The following IFI16 variants were observed in gnomAD, a reference collection of about 807,000 sequenced individuals.
IFI16 encodes the protein gamma-interferon-inducible protein 16.
Under a neutral mutation model 68.4 loss-of-function variants are expected in IFI16, and 49 were observed. That is an observed-to-expected ratio of 0.72 (90% CI 0.57 to 0.91). The LOEUF (loss-of-function observed/expected upper bound fraction) is 0.91, where lower values mean the gene tolerates loss of function less well. IFI16 is among the 40% of genes least tolerant of loss of function. The pLI is 0.00. For synonymous variants in IFI16, 307 were observed against 315.0 expected (o/e 0.97, Z 0.27); for missense variants, 878 against 942.9 (o/e 0.93, Z 0.90).
chr1:159,003,956 A>T (rs1210770968), upstream of IFI16, among the ~76,000 whole-genome samples: 1 of 151,942 alleles, frequency 6.6e-6, no homozygotes, highest in South Asian at 2.1e-4. Context: ...CACCGCGCCC[A>T]GCCAATTCTG....
At chr1:159,041,284 G>T (rs1654620970) in intron 7 of IFI16, among the ~76,000 whole-genome samples, 1 of 152,198 alleles carries the variant, frequency 6.6e-6, no homozygotes, top group Admixed American at 6.5e-5. Context: ...AGTGTAAGAA[G>T]CCAGCTACTG....
intron 4 of IFI16, among the ~76,000 whole-genome samples, 168 bp downstream of exon 4, chr1:159,016,868 C>T (rs1354296803): frequency 2.0e-5 from 3 of 152,220 alleles, no homozygotes; most frequent in Admixed American, 6.5e-5. Context: ...ACTTGATGAA[C>T]TTGACATTAT....
Position 159,039,207 on chromosome 1 carries a change from A to T in IFI16, c.1330-6090A>T, listed in dbSNP as rs867004924. The stretch of plus-strand genomic sequence containing the variant: ...ATGAAGGCTATAATACTGGTTTGTG[A>T]GTGTACAGTTGAAGGAGTTAGGATA... On this transcript the variant is annotated intron_variant, in intron 7 of 11. Coordinates refer to ENST00000295809, the MANE Select transcript of IFI16 (RefSeq NM_001376587.1). Among the ~76,000 whole-genome samples the T allele has an allele frequency of 2.0e-5, 3 of 152,310 alleles. No homozygotes were observed. In the Middle Eastern group the frequency reaches 0.01, roughly 518 times the overall value.
At chr1:159,030,681 G>A (rs574564353) in intron 6 of IFI16, among the ~76,000 whole-genome samples, 15 of 152,316 alleles carry the variant, frequency 9.8e-5, no homozygotes, top group African/African-American at 3.4e-4. Flanking sequence ...CTGCTCCTGT[G>A]GAGGTGGCAG....
rs1254770425 is a variant in IFI16, at chr1:159,020,439, A to T, written c.1071A>T (p.Glu357Asp). The stretch of plus-strand genomic sequence containing the variant: ...GACAATGTCACAATATCCCCTGTGA[A>T]GAAGGAGATAAGCTCCAACTTTTCT... ...GTGQCHNIPC[E>D]EGDKLQLFCF... The change falls in exon 6 of 12, where the codon GAA becomes GAT. Residue 357 changes from glutamate (E) to aspartate (D), a missense_variant. By Grantham distance (45) the Glu-to-Asp change is conservative. Around this residue, in one of 4 missense-constraint regions of IFI16, gnomAD observed 443 missense variants for 421.8 expected, o/e 1.05. Transcript: ENST00000295809. 6.2e-7 allele frequency: 1 copy of T among 1,611,998 alleles called. No homozygotes were observed. The highest frequency in any genetic ancestry group is 1.3e-5 in the African/African-American group (1 of 74,936).
At chr1:159,000,007 A>G (rs72480248) in exon 1 of IFI16, 6,320 of 153,750 alleles carry the variant, frequency 0.041, 353 homozygotes, top group East Asian at 0.26. Flanking sequence ...GAAAGGAAAG[A>G]CCAAGTCTTG....
chr1:159,020,286 A>T, intron 5 of IFI16, 55 bp from the exon 6 acceptor site: 11 of 1,313,844 alleles, frequency 8.4e-6, no homozygotes, highest in Non-Finnish European at 1.2e-5. Context: ...TTCAGCCTAT[A>T]TGTGGTTGTT....
intron 7 of IFI16, among the ~76,000 whole-genome samples, chr1:159,040,830 TG>T (rs1359888011): frequency 6.6e-6 from 1 of 152,262 alleles, no homozygotes; most frequent in Non-Finnish European, 1.5e-5. Context: ...AATATGATAT[TG>T]TCAGTCTCAA....
At chr1:159,026,487 T>C (rs1424324336) in intron 6 of IFI16, among the ~76,000 whole-genome samples, 3 of 152,056 alleles carry the variant, frequency 2.0e-5, no homozygotes, top group Admixed American at 6.5e-5. Flanking sequence ...TTAGTAGAGA[T>C]GGGGTTTCAC....
intron 7 of IFI16, among the ~76,000 whole-genome samples, chr1:159,043,534 T>C (rs1299722825): frequency 6.6e-6 from 1 of 152,212 alleles, no homozygotes; most frequent in Non-Finnish European, 1.5e-5. Context: ...AAATGGTGTC[T>C]GACCAATCAG....
chr1:159,038,254 C>A (rs1439947776), intron 7 of IFI16, among the ~76,000 whole-genome samples: 2 of 152,076 alleles, frequency 1.3e-5, no homozygotes, highest in Non-Finnish European at 2.9e-5. Context: ...ATGCCACAAG[C>A]CATAATAAGG....
upstream of IFI16, among the ~76,000 whole-genome samples, chr1:159,001,230 T>C (rs1044804636): frequency 6.6e-6 from 1 of 152,182 alleles, no homozygotes; most frequent in Non-Finnish European, 1.5e-5. Context: ...CCAACACACA[T>C]ATGAACAGGT....
chr1:159,053,468 A>G (rs1218571335), intron 10 of IFI16, 65 bp from the exon 11 acceptor site: 2 of 1,213,202 alleles, frequency 1.6e-6, no homozygotes, highest in Non-Finnish European at 2.4e-6. Context: ...AACACCCTGT[A>G]TTTCTCATAG....
At chr1:159,009,539 C>G (rs769407157), upstream of IFI16, among the ~76,000 whole-genome samples, 2 of 152,248 alleles carry the variant, frequency 1.3e-5, no homozygotes, top group African/African-American at 4.8e-5. Flanking sequence ...TATATTTGAG[C>G]ATCATTTAAG....
At chr1:159,016,062 C>A (rs112853068) in intron 3 of IFI16, 75 bp downstream of exon 3, 6 of 878,636 alleles carry the variant, frequency 6.8e-6, no homozygotes, top group Non-Finnish European at 1.8e-6. Flanking sequence ...CTCAATCTCT[C>A]CAGCAGGCAG....
chr1:159,042,247 C>G (rs1365274491), intron 7 of IFI16, among the ~76,000 whole-genome samples: 1 of 152,110 alleles, frequency 6.6e-6, no homozygotes, highest in African/African-American at 2.4e-5. Flanking sequence ...ATGGATTATT[C>G]CTGGTTTTGA....
intron 9 of IFI16, among the ~76,000 whole-genome samples, chr1:159,050,054 G>A (rs1441753038): frequency 6.6e-6 from 1 of 152,162 alleles, no homozygotes; most frequent in Non-Finnish European, 1.5e-5. Context: ...CCACATTTCA[G>A]TACATGGTCT....
chr1:159,011,564 AATT>A (rs1652563579), intron 1 of IFI16, among the ~76,000 whole-genome samples: 1 of 152,126 alleles, frequency 6.6e-6, no homozygotes, highest in Admixed American at 6.5e-5. Flanking sequence ...AATATATACT[AATT>A]ATAGTACCAT....
At chr1:159,051,582 T>C in intron 9 of IFI16, 97 bp from the exon 10 acceptor site, 1 of 919,964 alleles carries the variant, frequency 1.1e-6, no homozygotes, top group Non-Finnish European at 1.7e-6. Context: ...AAGGTGATAC[T>C]TGAGGACCAA....
Sources: gnomAD v4.1 joint callset for allele counts (sites outside exome capture counted in the v4.1 genomes callset) on GRCh38, gnomAD v4.1.1 for gene constraint, gnomAD v4.1.1 regional missense constraint, MANE v1.5 for transcripts, NCBI Gene and HGNC (gene_info 2026-07-23, HGNC 2026-07-21) for gene names.